The following PAN3 variants were observed in gnomAD, a reference collection of about 807,000 sequenced individuals.
The protein encoded by PAN3 is poly(A) specific ribonuclease subunit PAN3.
In PAN3, 19 loss-of-function variants were observed where a neutral mutation model predicts 96.2. The observed-to-expected ratio is 0.20, with a 90% CI of 0.14 to 0.29. PAN3 has a LOEUF of 0.29. Among genes scored for constraint, PAN3 ranks in the 10% least tolerant of loss-of-function variants. PAN3 has a pLI of 1.00. For synonymous variants in PAN3, 433 were observed against 406.6 expected, an observed-to-expected ratio of 1.06 and a Z score of -0.78; for missense variants, 882 against 1,108.1, an observed-to-expected ratio of 0.80 and a Z score of 2.90.
chr13:28,162,504 G>A (rs1873001098), intron 1 of PAN3, among the ~76,000 whole-genome samples: 1 of 152,052 alleles, frequency 6.6e-6, no homozygotes, highest in Non-Finnish European at 1.5e-5. Context: ...GGGCAACATG[G>A]CGAAACCCCA....
intron 1 of PAN3, among the ~76,000 whole-genome samples, chr13:28,140,962 A>G (rs771016771): frequency 6.6e-5 from 10 of 151,234 alleles, no homozygotes; most frequent in African/African-American, 9.8e-5. Context: ...TTAGTAACCA[A>G]TGACACTGAA....
chr13:28,176,697 A>G, intron 3 of PAN3, 138 bp downstream of exon 3: 1 of 826,896 alleles, frequency 1.2e-6, no homozygotes, highest in Non-Finnish European at 1.9e-6. Flanking sequence ...CTTCCCACTC[A>G]GATCTAACTA....
At chr13:28,176,440 CT>C (rs2138111234) in intron 2 of PAN3, 52 bp from the exon 3 acceptor site, 1 of 1,525,786 alleles carries the variant, frequency 6.6e-7, no homozygotes, top group East Asian at 2.3e-5. Flanking sequence ...TGGTTGGATA[CT>C]TTTATTTCTG....
chr13:28,155,318 G>A (rs568070179), intron 1 of PAN3, among the ~76,000 whole-genome samples: 22 of 152,150 alleles, frequency 1.4e-4, no homozygotes, highest in East Asian at 5.8e-4. Context: ...ATATCAGGCC[G>A]GACACAGTGG....
intron 1 of PAN3, among the ~76,000 whole-genome samples, 165 bp downstream of exon 1, chr13:28,139,252 C>T (rs1444575370): frequency 1.3e-5 from 2 of 151,450 alleles, no homozygotes; most frequent in Non-Finnish European, 2.9e-5. Context: ...TTCCTTCTTC[C>T]TGCTTCCCCT....
chr13:28,215,491 G>T, intron 5 of PAN3: 1 of 681,836 alleles, frequency 1.5e-6, no homozygotes, highest in South Asian at 1.7e-5. Flanking sequence ...TGTTGCTGTT[G>T]ACAGCAAAAA....
intron 9 of PAN3, among the ~76,000 whole-genome samples, 165 bp from the exon 10 acceptor site, chr13:28,266,550 G>A (rs1425532536): frequency 6.6e-6 from 1 of 152,054 alleles, no homozygotes; most frequent in Non-Finnish European, 1.5e-5. Context: ...TGATACTGAA[G>A]CTAGTTTGTC....
chr13:28,151,721 G>A (rs529101881), intron 1 of PAN3, among the ~76,000 whole-genome samples: 2 of 152,206 alleles, frequency 1.3e-5, no homozygotes, highest in South Asian at 4.2e-4. Flanking sequence ...AGGAGTCAAG[G>A]GTTTGTTTCA....
intron 1 of PAN3, among the ~76,000 whole-genome samples, chr13:28,150,585 C>A (rs1228765918): frequency 6.7e-6 from 1 of 148,732 alleles, no homozygotes; most frequent in Non-Finnish European, 1.5e-5. Context: ...TGCAGTGAGC[C>A]GAGATCACGC....
chr13:28,177,322 G>C (rs940238440), intron 3 of PAN3, among the ~76,000 whole-genome samples: 21 of 152,068 alleles, frequency 1.4e-4, no homozygotes, highest in African/African-American at 5.1e-4. Flanking sequence ...TATTATTTCT[G>C]TCTTAACTTA....
At chr13:28,285,747 T>G (rs56174143) in intron 17 of PAN3, among the ~76,000 whole-genome samples, 4 of 152,160 alleles carry the variant, frequency 2.6e-5, no homozygotes, top group East Asian at 1.9e-4. Context: ...AAAATTAAAG[T>G]TTTTTTTCTA....
At position 28,285,909 on chromosome 13, in the gene PAN3, G is replaced by T. The variant is rs555473564; in HGVS notation, c.2385-2075G>T. Among the ~76,000 whole-genome samples the T allele has an allele frequency of 2.0e-5, 3 of 152,114 alleles. No individual in the cohort carries two copies. In the South Asian group the frequency reaches 6.2e-4, roughly 32 times the overall value. ...TGGTGGTTGGTTTTTGTTTGTCTTA[G>T]TTTTAAGTTTTGTTCCATTCCCTGC... is the stretch of plus-strand genomic sequence containing the variant. On this transcript the variant is annotated intron_variant, in intron 17 of 18. Transcript: ENST00000380958.
At chr13:28,170,111 C>T (rs1215520514) in intron 1 of PAN3, among the ~76,000 whole-genome samples, 1 of 152,184 alleles carries the variant, frequency 6.6e-6, no homozygotes, top group Non-Finnish European at 1.5e-5. Context: ...TATATCAGCA[C>T]TCCCTTGCCA....
intron 4 of PAN3, among the ~76,000 whole-genome samples, chr13:28,178,154 T>C (rs1250231836): frequency 6.6e-6 from 1 of 152,184 alleles, no homozygotes; most frequent in African/African-American, 2.4e-5. Flanking sequence ...AGGGATGAAA[T>C]CCTGCTTATT....
At chr13:28,168,974 C>T (rs553082973) in intron 1 of PAN3, among the ~76,000 whole-genome samples, 14 of 151,344 alleles carry the variant, frequency 9.3e-5, no homozygotes, top group Admixed American at 5.2e-4. Flanking sequence ...GCCGAGATCA[C>T]GCCACTACTC....
At chr13:28,261,263 GTTTTAATATTTAAATGA>G (rs1885696116) in intron 8 of PAN3, 121 bp from the exon 9 acceptor site, 2 of 497,470 alleles carry the variant, frequency 4.0e-6, no homozygotes, top group Non-Finnish European at 6.9e-6. Flanking sequence ...GTTTAGAAAT[GTTTTAATATTTAAATGA>G]TTTTAATATT....
intron 17 of PAN3, among the ~76,000 whole-genome samples, chr13:28,286,784 A>T (rs1423918577): frequency 6.6e-6 from 1 of 152,088 alleles, no homozygotes; most frequent in East Asian, 1.9e-4. Context: ...TTTAATCTTC[A>T]TTTTAATTGG....
At chr13:28,173,363 A>T (rs1482500734) in intron 1 of PAN3, among the ~76,000 whole-genome samples, 1 of 152,140 alleles carries the variant, frequency 6.6e-6, no homozygotes, top group Admixed American at 6.5e-5. Flanking sequence ...GGTGTTTCTG[A>T]TGATACTATT....
chr13:28,190,225 G>A (rs553340192), intron 4 of PAN3, among the ~76,000 whole-genome samples: 3 of 152,288 alleles, frequency 2.0e-5, no homozygotes, highest in Admixed American at 6.5e-5. Context: ...GATTACAGAC[G>A]TGAGCCACCT....
Sources: allele counts gnomAD v4.1 joint callset (sites outside exome capture counted in the v4.1 genomes callset), GRCh38; gene constraint gnomAD v4.1.1; transcripts MANE v1.5; gene names NCBI Gene and HGNC (gene_info 2026-07-23, HGNC 2026-07-21).